The following LRRC4C variants were observed in gnomAD, a reference collection of about 807,000 sequenced individuals.
LRRC4C encodes the protein leucine rich repeat containing 4C.
A neutral mutation model predicts 33.6 loss-of-function variants in LRRC4C; 5 were observed. The ratio of observed to expected loss-of-function variants is 0.15; its 90% CI spans 0.08 to 0.31. The LOEUF is 0.31. LRRC4C is among the 10% of genes least tolerant of loss of function. The probability of loss-of-function intolerance (pLI) is 1.00; values close to 1 mark genes in which losing one functional copy is unlikely to be tolerated. For synonymous variants in LRRC4C, 329 were observed against 302.0 expected, an observed-to-expected ratio of 1.09 and a Z score of -0.93; for missense variants, 560 against 796.7, an observed-to-expected ratio of 0.70 and a Z score of 3.58.
intron 2 of LRRC4C, among the ~76,000 whole-genome samples, chr11:40,898,902 CT>C (rs1021878124): frequency 1.1e-4 from 17 of 152,152 alleles, no homozygotes; most frequent in African/African-American, 4.1e-4. Flanking sequence ...TACTTGGTAT[CT>C]GCAGAAGATT....
chr11:40,255,146 C>T (rs1259903629), intron 4 of LRRC4C, among the ~76,000 whole-genome samples: 3 of 152,062 alleles, frequency 2.0e-5, no homozygotes, highest in Non-Finnish European at 4.4e-5. Flanking sequence ...ACAAGAGTCC[C>T]AGTCAATCAG....
chr11:40,963,729 T>A (rs1851130094), intron 1 of LRRC4C, among the ~76,000 whole-genome samples: 1 of 151,780 alleles, frequency 6.6e-6, no homozygotes, highest in Non-Finnish European at 1.5e-5. Context: ...AAATACTATA[T>A]CTCAGAATCA....
In LRRC4C at chr11:40,647,068, A is replaced by G. The variant is rs145254658; in HGVS notation, c.-270+1074T>C. Among the ~76,000 whole-genome samples, 989 of 152,322 alleles carry G rather than the reference A, an allele frequency of 6.5e-3. 5 individuals carry two copies. Among genetic ancestry groups the G allele is most frequent in the Non-Finnish European group, 0.011 (768 of 68,028 alleles). Reference sequence around the variant, plus strand: ...GTGATATCTCTGAAGATAGATTAACATATCTTCCATTCAGCTTAATCTACA... The same window carrying G: ...GTGATATCTCTGAAGATAGATTAACGTATCTTCCATTCAGCTTAATCTACA... On this transcript the variant is annotated intron_variant, in intron 3 of 6. Coordinates refer to ENST00000528697, the MANE Select transcript of LRRC4C (RefSeq NM_001258419.2).
At chr11:40,905,903 T>C (rs979221) in intron 2 of LRRC4C, among the ~76,000 whole-genome samples, 137,103 of 152,238 alleles carry the variant, frequency 0.9, 62,360 homozygotes, top group East Asian at 1. Flanking sequence ...AGATTGAGTC[T>C]AATTTTGCAA....
intron 2 of LRRC4C, among the ~76,000 whole-genome samples, chr11:40,884,520 A>G (rs1955341816): frequency 6.6e-6 from 1 of 151,986 alleles, no homozygotes; most frequent in African/African-American, 2.4e-5. Flanking sequence ...ACGAATTTAC[A>G]CTCCCACCAA....
At chr11:41,342,869 G>T (rs1951685574) in intron 1 of LRRC4C, among the ~76,000 whole-genome samples, 1 of 152,208 alleles carries the variant, frequency 6.6e-6, no homozygotes, top group African/African-American at 2.4e-5. Flanking sequence ...TTCTCTCAAA[G>T]TTCTGGAGGC....
intron 6 of LRRC4C, among the ~76,000 whole-genome samples, chr11:40,124,893 G>A (rs1377207097): frequency 6.6e-6 from 1 of 151,978 alleles, no homozygotes; most frequent in Non-Finnish European, 1.5e-5. Context: ...TTGTATGCCT[G>A]TATCAAAGTA....
intron 5 of LRRC4C, among the ~76,000 whole-genome samples, chr11:40,147,488 C>G (rs1857839152): frequency 6.6e-6 from 1 of 152,098 alleles, no homozygotes; most frequent in Non-Finnish European, 1.5e-5. Flanking sequence ...TCCTCCAGCA[C>G]TGATAGCCTT....
intron 2 of LRRC4C, among the ~76,000 whole-genome samples, chr11:40,705,105 C>G (rs1283814719): frequency 6.6e-6 from 1 of 152,080 alleles, no homozygotes; most frequent in Non-Finnish European, 1.5e-5. Flanking sequence ...CACAGTAATC[C>G]CATTCTACTG....
At chr11:40,800,166 T>C (rs529274718) in intron 2 of LRRC4C, among the ~76,000 whole-genome samples, 8 of 152,354 alleles carry the variant, frequency 5.3e-5, no homozygotes, top group African/African-American at 1.9e-4. Flanking sequence ...TTATAAGCTC[T>C]CCTTTCCCAC....
intron 3 of LRRC4C, among the ~76,000 whole-genome samples, chr11:40,352,606 G>A (rs753915007): frequency 3.9e-5 from 6 of 152,026 alleles, no homozygotes; most frequent in Admixed American, 3.3e-4. Flanking sequence ...GACAAGATAC[G>A]AGTAGTTTGC....
At chr11:40,549,212 A>T (rs1044039651) in intron 3 of LRRC4C, among the ~76,000 whole-genome samples, 1 of 152,140 alleles carries the variant, frequency 6.6e-6, no homozygotes, top group African/African-American at 2.4e-5. Flanking sequence ...ATTAGACAAG[A>T]TATGTAGCTT....
rs80014651 is a variant in LRRC4C at position 40,664,459 on chromosome 11, C to T, written c.-406-16181G>A. 9.0e-3 allele frequency among the ~76,000 whole-genome samples: 1,375 copies of T among 151,986 alleles called. 26 individuals are homozygous for T. Among genetic ancestry groups the T allele is most frequent in the African/African-American group, 0.032 (1,326 of 41,434 alleles). On this transcript the variant is annotated intron_variant, in intron 2 of 6. Coordinates refer to ENST00000528697, the MANE Select transcript of LRRC4C (RefSeq NM_001258419.2). ...ACTTGGGAGGATGAGGCAGGAGAAT[C>T]GCTTGAACCCGATGGGTGGAGGTTG...
chr11:40,889,012 G>A (rs1955582384), intron 2 of LRRC4C, among the ~76,000 whole-genome samples: 1 of 151,770 alleles, frequency 6.6e-6, no homozygotes, highest in South Asian at 2.1e-4. Context: ...CTTCCTGGAG[G>A]GCAATTTGGA....
intron 1 of LRRC4C, among the ~76,000 whole-genome samples, chr11:40,942,536 G>A (rs1958202662): frequency 6.6e-6 from 1 of 152,150 alleles, no homozygotes. Flanking sequence ...TGAGTGTGGG[G>A]GCGTTGCAAG....
chr11:41,321,870 C>T (rs1950968579), intron 1 of LRRC4C, among the ~76,000 whole-genome samples: 1 of 148,916 alleles, frequency 6.7e-6, no homozygotes, highest in South Asian at 2.1e-4. Flanking sequence ...TAAACTGTTT[C>T]TTTTTTTTTT....
intron 3 of LRRC4C, among the ~76,000 whole-genome samples, chr11:40,628,520 C>A (rs573029038): frequency 6.6e-6 from 1 of 150,638 alleles, no homozygotes; most frequent in East Asian, 2.0e-4. Context: ...CCTAATTCAT[C>A]ATCTTTTAGA....
At chr11:40,606,199 C>G (rs142214154) in intron 3 of LRRC4C, among the ~76,000 whole-genome samples, 1 of 152,010 alleles carries the variant, frequency 6.6e-6, no homozygotes, top group African/African-American at 2.4e-5. Flanking sequence ...ATTCTAGAAG[C>G]CTAGGAGTTA....
chr11:40,754,678 A>G (rs1391927770), intron 2 of LRRC4C, among the ~76,000 whole-genome samples: 1 of 152,068 alleles, frequency 6.6e-6, no homozygotes, highest in Non-Finnish European at 1.5e-5. Flanking sequence ...CTTTATTAGC[A>G]TATATATTAA....
Sources: allele counts gnomAD v4.1 joint callset (sites outside exome capture counted in the v4.1 genomes callset), GRCh38; gene constraint gnomAD v4.1.1; transcripts MANE v1.5; gene names NCBI Gene and HGNC (gene_info 2026-07-23, HGNC 2026-07-21).